The following KREMEN1 variants were observed in gnomAD, a reference collection of about 807,000 sequenced individuals.
KREMEN1 encodes kringle containing transmembrane protein 1.
A neutral mutation model predicts 46.5 loss-of-function variants in KREMEN1; 30 were observed. The ratio of observed to expected loss-of-function variants is 0.65; its 90% CI spans 0.48 to 0.88. The LOEUF is 0.88. Ranked by LOEUF, KREMEN1 falls within the 40% of genes least tolerant of loss-of-function variation. KREMEN1 has a pLI of 0.00. For synonymous variants in KREMEN1, 214 were observed against 230.6 expected (o/e 0.93, Z 0.65); for missense variants, 533 against 596.9 (o/e 0.89, Z 1.11).
rs141128231 is a variant in KREMEN1, at chr22:29,090,918, C to T, written c.98-3340C>T. Among the ~76,000 whole-genome samples, 286 of 152,336 alleles carry T rather than the reference C, an allele frequency of 1.9e-3. 1 individual carries two copies. Among genetic ancestry groups the T allele is most frequent in the African/African-American group, 6.6e-3 (275 of 41,572 alleles). The stretch of plus-strand genomic sequence containing the variant: ...CCAAGCAAAGAAGCCTGCACTTTCC[C>T]ATTTCCACTCTCAGATGCCATCTCG... On this transcript the variant is annotated intron_variant, in intron 1 of 8. Coordinates refer to ENST00000400335, the MANE Select transcript of KREMEN1 (RefSeq NM_001039570.3).
At chr22:29,087,706 C>G (rs1052188287) in intron 1 of KREMEN1, among the ~76,000 whole-genome samples, 3 of 152,092 alleles carry the variant, frequency 2.0e-5, no homozygotes, top group Non-Finnish European at 4.4e-5. Flanking sequence ...GCTGGGATTA[C>G]AGGAATGCAC....
chr22:29,142,754 A>G lies in KREMEN1; in HGVS notation c.*642A>G. 1.0e-6 allele frequency: 1 copy of G among 985,400 alleles called. No homozygotes were observed. The highest frequency in any genetic ancestry group is 1.2e-6 in the Non-Finnish European group (1 of 829,918). 61.0% of individuals were successfully genotyped at this position (985,400 alleles called of 1,614,324 possible). A position where few individuals can be genotyped will look rare whatever the true frequency, so the allele number is the denominator to read the frequency against. ...CTGAGAATAAGATCTAGTGACCCCCATTTATATCAAACCTGATACCTTACA... is the reference window on the plus strand; with the variant it reads ...CTGAGAATAAGATCTAGTGACCCCCGTTTATATCAAACCTGATACCTTACA... On this transcript the variant is annotated 3_prime_UTR_variant, in exon 9 of 9. Coordinates refer to ENST00000400335, the MANE Select transcript of KREMEN1 (RefSeq NM_001039570.3).
At position 29,144,415 on chromosome 22, in the gene KREMEN1, C is replaced by G. The variant is rs1432142258; in HGVS notation, c.*2303C>G. Reference sequence around the variant, plus strand: ...TCACAGGCAGGCAGGGGCAGGACTGCCACCCCAGGCCCCGTGGGAGGCCTG... The same window carrying G: ...TCACAGGCAGGCAGGGGCAGGACTGGCACCCCAGGCCCCGTGGGAGGCCTG... On this transcript the variant is annotated 3_prime_UTR_variant, in exon 9 of 9. Coordinates refer to ENST00000400335, the MANE Select transcript of KREMEN1 (RefSeq NM_001039570.3). The G allele has an allele frequency of 2.0e-6, 2 of 985,534 alleles. No individual in the cohort carries two copies. The highest frequency in any genetic ancestry group is 3.5e-5 in the African/African-American group (2 of 57,258). 61.0% of individuals were successfully genotyped at this position (985,534 alleles called of 1,614,324 possible).
At position 29,094,343 on chromosome 22, in the gene KREMEN1, C is replaced by T. The variant is rs777107449; in HGVS notation, c.183C>T (p.Asn61=). ...LQGGKPCLFW[N]ETFQHPYNTL... The stretch of plus-strand genomic sequence containing the variant: ...GCGGGAAGCCATGTCTGTTTTGGAA[C>T]GAGACTTTCCAGCATCCATACAACA... The change falls in exon 2 of 9, where the codon AAC becomes AAT. Residue 61 remains asparagine (N), a synonymous_variant. Coordinates refer to ENST00000400335, the MANE Select transcript of KREMEN1 (RefSeq NM_001039570.3). The T allele has an allele frequency of 9.9e-6, 16 of 1,613,750 alleles. No homozygotes were observed. Among genetic ancestry groups the T allele is most frequent in the East Asian group, 6.7e-5 (3 of 44,888 alleles).
rs754145243 is a variant in KREMEN1 at position 29,094,320 on chromosome 22, G to A, written c.160G>A (p.Gly54Arg). ...ACAGAACTGGACAGCACTACAAGGC[G>A]GGAAGCCATGTCTGTTTTGGAACGA... ...GTQNWTALQGGKPCLFWNETF... is the reference protein window; with the variant it reads ...GTQNWTALQGRKPCLFWNETF... Residue 54 changes from glycine (G) to arginine (R), a missense_variant, in exon 2 of 9, where the codon GGG becomes AGG. Physicochemically the swap from Gly to Arg is moderately radical, Grantham distance 125 (BLOSUM62 -2). Coordinates refer to ENST00000400335, the MANE Select transcript of KREMEN1 (RefSeq NM_001039570.3). 6.8e-6 allele frequency: 11 copies of A among 1,613,444 alleles called. No individual in the cohort carries two copies. The highest frequency in any genetic ancestry group is 6.7e-5 in the East Asian group (3 of 44,876).
At chr22:29,127,908 A>T (rs1248951147) in intron 5 of KREMEN1, among the ~76,000 whole-genome samples, 1 of 152,220 alleles carries the variant, frequency 6.6e-6, no homozygotes, top group Non-Finnish European at 1.5e-5. Context: ...CCATAAAAAT[A>T]AATAAAGTAC....
At chr22:29,156,475 G>A (rs1161595862) in intron 9 of KREMEN1, among the ~76,000 whole-genome samples, 1 of 152,178 alleles carries the variant, frequency 6.6e-6, no homozygotes, top group Non-Finnish European at 1.5e-5. Flanking sequence ...CAGCCAGTCT[G>A]CAGCAGGTTG....
intron 5 of KREMEN1, among the ~76,000 whole-genome samples, chr22:29,127,661 A>G (rs1335300009): frequency 6.6e-6 from 1 of 152,208 alleles, no homozygotes; most frequent in Non-Finnish European, 1.5e-5. Context: ...TCAAAAAAAA[A>G]AAGTAAACAG....
rs1319934949 is a variant in KREMEN1, at chr22:29,073,689, T to A, written c.97+462T>A. 7.1e-6 allele frequency among the ~76,000 whole-genome samples: 1 copy of A among 140,120 alleles called. No individual in the cohort carries two copies. The highest frequency in any genetic ancestry group is 1.5e-5 in the Non-Finnish European group (1 of 65,050). The allele number at this position is 140,120 out of a possible 152,430, so 91.9% of individuals were successfully genotyped here. ...ACTTCCCCCGGGCCGGGACGTCCTC[T>A]GCTCCCCGGTACCTCCTAGGATCCC... On this transcript the variant is annotated intron_variant, in intron 1 of 8. Coordinates refer to ENST00000400335, the MANE Select transcript of KREMEN1 (RefSeq NM_001039570.3). This position sits in a 1 kb window ranked among gnomAD's most constrained non-coding sequence, Gnocchi z 4.4.
At chr22:29,134,967 A>G (rs132276) in intron 5 of KREMEN1, among the ~76,000 whole-genome samples, 143,506 of 152,200 alleles carry the variant, frequency 0.94, 67,705 homozygotes, top group Non-Finnish European at 0.96. Flanking sequence ...GAGGTCATGG[A>G]GGTGGTTCTT....
At chr22:29,137,697 G>T in intron 6 of KREMEN1, 23 bp downstream of exon 6, 1 of 1,558,828 alleles carries the variant, frequency 6.4e-7, no homozygotes, top group Non-Finnish European at 8.8e-7. Flanking sequence ...TGCCTCCTTG[G>T]GGGTTCTTCA....
intron 9 of KREMEN1, among the ~76,000 whole-genome samples, chr22:29,153,755 C>T (rs541401109): frequency 3.9e-3 from 587 of 152,014 alleles, no homozygotes; most frequent in Non-Finnish European, 5.6e-3. Flanking sequence ...CCGAGGCGGG[C>T]GGATCACCTG....
intron 8 of KREMEN1, among the ~76,000 whole-genome samples, 199 bp from the exon 9 acceptor site, chr22:29,141,745 C>T (rs2038765707): frequency 6.6e-6 from 1 of 152,172 alleles, no homozygotes; most frequent in African/African-American, 2.4e-5. Context: ...CAGACGCTGC[C>T]CTGCTGCACT....
downstream of KREMEN1, among the ~76,000 whole-genome samples, chr22:29,149,761 G>C (rs2038900745): frequency 6.6e-6 from 1 of 152,148 alleles, no homozygotes; most frequent in South Asian, 2.1e-4. Flanking sequence ...GGACTCTGGG[G>C]ACCACTGACC....
chr22:29,127,564 G>A (rs890770935), intron 5 of KREMEN1, among the ~76,000 whole-genome samples: 1 of 152,148 alleles, frequency 6.6e-6, no homozygotes, highest in African/African-American at 2.4e-5. Context: ...TCGGGAGGCT[G>A]AGGCACAAGA....
chr22:29,166,159 T>G (rs538594043), intron 9 of KREMEN1, among the ~76,000 whole-genome samples: 1 of 151,430 alleles, frequency 6.6e-6, no homozygotes, highest in Admixed American at 6.6e-5. Flanking sequence ...TGCACACACA[T>G]GCACACACAT....
At chr22:29,090,407 C>T (rs2037787938) in intron 1 of KREMEN1, among the ~76,000 whole-genome samples, 2 of 152,270 alleles carry the variant, frequency 1.3e-5, no homozygotes, top group South Asian at 4.2e-4. Context: ...GGAGGGAGAT[C>T]AGCAGGAAGA....
chr22:29,112,243 A>G (rs1256049952), intron 3 of KREMEN1, among the ~76,000 whole-genome samples: 2 of 152,140 alleles, frequency 1.3e-5, no homozygotes, highest in Non-Finnish European at 2.9e-5. Context: ...GCGGATCCCA[A>G]TTCCAGCTTC....
In KREMEN1 at chr22:29,131,717, T is replaced by TAC. The variant is rs1210752816; in HGVS notation, c.632-5625_632-5624insAC. 4.5e-4 allele frequency among the ~76,000 whole-genome samples: 60 copies of TAC among 132,398 alleles called. 1 individual carries two copies. The highest frequency in any genetic ancestry group is 1.9e-3 in the African/African-American group (56 of 29,514). 86.9% of individuals were successfully genotyped at this position (132,398 alleles called of 152,430 possible). A position where few individuals can be genotyped will look rare whatever the true frequency, so the allele number is the denominator to read the frequency against. ...ATATATGTGTATATATATGTATATA[T>TAC]GTATATATATGTATATATGTGTATA... On this transcript the variant is annotated intron_variant, in intron 5 of 8. Coordinates refer to ENST00000400335, the MANE Select transcript of KREMEN1 (RefSeq NM_001039570.3).
Sources: allele counts gnomAD v4.1 joint callset (sites outside exome capture counted in the v4.1 genomes callset), GRCh38; gene constraint gnomAD v4.1.1; non-coding constraint Gnocchi (gnomAD v3.1); transcripts MANE v1.5; gene names NCBI Gene and HGNC (gene_info 2026-07-23, HGNC 2026-07-21).